Variants in PAK5 observed in about 807,000 individuals in gnomAD.
PAK5 encodes the protein p21 (RAC1) activated kinase 5.
PAK5 carries 16 observed loss-of-function variants against 65.9 expected under a neutral mutation model. The ratio of observed to expected loss-of-function variants is 0.24; its 90% CI spans 0.16 to 0.37. The LOEUF is 0.37. Ranked by LOEUF, PAK5 falls within the 10% of genes least tolerant of loss-of-function variation. The pLI is 1.00. For synonymous variants in PAK5, 371 were observed against 354.9 expected (o/e 1.05, Z -0.51); for missense variants, 785 against 903.9 (o/e 0.87, Z 1.69).
rs1434353523 is a variant in PAK5 at position 9,838,181 on chromosome 20, GCGCGCGCGCACACACA to G, written c.-162+565_-162+580del. Among the ~76,000 whole-genome samples the G allele has an allele frequency of 1.5e-5, 2 of 137,512 alleles. No individual in the cohort carries two copies. The highest frequency in any genetic ancestry group is 4.3e-4 in the East Asian group (2 of 4,610). The allele number at this position is 137,512 out of a possible 152,430, so 90.2% of individuals were successfully genotyped here. A position where few individuals can be genotyped will look rare whatever the true frequency, so the allele number is the denominator to read the frequency against. On this transcript the variant is annotated intron_variant, in intron 1 of 9. Coordinates refer to ENST00000353224, the MANE Select transcript of PAK5 (RefSeq NM_177990.4). This position sits in a 1 kb window ranked among gnomAD's most constrained non-coding sequence, Gnocchi z 4.5. Reference sequence around the variant, plus strand: ...CTGTCTCTCCATTACAACCCACCAGGCGCGCGCGCACACACACACGCGCGCACACACACACACACAC... The same window carrying G: ...CTGTCTCTCCATTACAACCCACCAGGCACGCGCGCACACACACACACACAC...
intron 1 of PAK5, among the ~76,000 whole-genome samples, chr20:9,758,895 G>A (rs1238755297): frequency 6.6e-6 from 1 of 152,004 alleles, no homozygotes; most frequent in Non-Finnish European, 1.5e-5. Flanking sequence ...GAAAAGAAAG[G>A]CAGCAAAGTT....
At chr20:9,565,822 T>G in intron 5 of PAK5, 71 bp downstream of exon 5, 1 of 1,417,254 alleles carries the variant, frequency 7.1e-7, no homozygotes, top group Non-Finnish European at 9.7e-7. Context: ...AAAATGTACA[T>G]GTGTATAACT....
intron 3 of PAK5, among the ~76,000 whole-genome samples, chr20:9,620,938 A>G (rs1442521244): frequency 9.0e-6 from 1 of 110,928 alleles, no homozygotes; most frequent in Admixed American, 1.1e-4. Flanking sequence ...GGTATCCAGC[A>G]GCCAGAGAAA....
chr20:9,655,749 A>T (rs2047259220), intron 2 of PAK5, among the ~76,000 whole-genome samples: 2 of 152,316 alleles, frequency 1.3e-5, no homozygotes, highest in Non-Finnish European at 2.9e-5. Context: ...AAAACAAAGT[A>T]ACACAGATTG....
At chr20:9,710,338 C>A (rs952117614) in intron 2 of PAK5, among the ~76,000 whole-genome samples, 1 of 152,178 alleles carries the variant, frequency 6.6e-6, no homozygotes. Context: ...TTGACATCAA[C>A]ACCCTCTAAG....
At chr20:9,836,115 A>G (rs1290477287) in intron 1 of PAK5, among the ~76,000 whole-genome samples, 1 of 152,164 alleles carries the variant, frequency 6.6e-6, no homozygotes, top group African/African-American at 2.4e-5. Context: ...TAAAGCCTCA[A>G]ATAGGTTAGT....
At chr20:9,548,453 G>A (rs776856856) in intron 7 of PAK5, among the ~76,000 whole-genome samples, 17 of 151,696 alleles carry the variant, frequency 1.1e-4, no homozygotes, top group Non-Finnish European at 2.1e-4. Context: ...ATGTATACAT[G>A]TGCCATGCTG....
Position 9,572,135 on chromosome 20 carries a change from A to G in PAK5, c.991-5751T>C, listed in dbSNP as rs60400384. ...AGAGAAATGAGCTAAAAAAAAGAGTAGTCATCACAGCAAAACGAGTTGATT... is the reference window on the plus strand; with the variant it reads ...AGAGAAATGAGCTAAAAAAAAGAGTGGTCATCACAGCAAAACGAGTTGATT... On this transcript the variant is annotated intron_variant, in intron 4 of 9. Transcript: ENST00000353224. Among the ~76,000 whole-genome samples, 1,224 of 150,858 alleles carry G rather than the reference A, an allele frequency of 8.1e-3. 15 individuals carry two copies. The highest frequency in any genetic ancestry group is 0.027 in the African/African-American group (1,111 of 40,964).
intron 1 of PAK5, among the ~76,000 whole-genome samples, chr20:9,779,286 A>G (rs950869976): frequency 5.3e-5 from 8 of 151,646 alleles, no homozygotes; most frequent in Admixed American, 3.3e-4. Flanking sequence ...AGAACTGGGT[A>G]GGCCTGGGAG....
intron 1 of PAK5, among the ~76,000 whole-genome samples, chr20:9,815,578 T>C (rs2049347190): frequency 1.3e-5 from 2 of 152,134 alleles, no homozygotes; most frequent in South Asian, 2.1e-4. Flanking sequence ...CGTTCAGGTA[T>C]AATTTTGCAA....
chr20:9,655,431 G>A (rs2047254196), intron 2 of PAK5, among the ~76,000 whole-genome samples: 1 of 149,802 alleles, frequency 6.7e-6, no homozygotes. Context: ...GAGTCATTTA[G>A]CCTATTTGGG....
intron 1 of PAK5, among the ~76,000 whole-genome samples, chr20:9,795,200 G>C (rs2049092001): frequency 6.6e-6 from 1 of 152,060 alleles, no homozygotes; most frequent in Non-Finnish European, 1.5e-5. Context: ...TGAGTATCCT[G>C]TTTCCTACTG....
chr20:9,595,909 A>G (rs1175650228), intron 3 of PAK5, among the ~76,000 whole-genome samples: 6 of 151,298 alleles, frequency 4.0e-5, no homozygotes, highest in African/African-American at 1.2e-4. Context: ...CTTGAAAAAA[A>G]TCAAATTTAT....
chr20:9,767,278 T>G (rs567108803), intron 1 of PAK5, among the ~76,000 whole-genome samples: 71 of 152,326 alleles, frequency 4.7e-4, no homozygotes, highest in African/African-American at 1.6e-3. Context: ...AATTAACCTA[T>G]TTAAGTGAAT....
chr20:9,583,100 G>C (rs1336774370), intron 3 of PAK5, among the ~76,000 whole-genome samples: 1 of 152,134 alleles, frequency 6.6e-6, no homozygotes, highest in Admixed American at 6.6e-5. Context: ...CATTGCTACT[G>C]GGTGTCATTG....
chr20:9,640,496 A>G (rs1270572660), intron 3 of PAK5, among the ~76,000 whole-genome samples: 1 of 152,038 alleles, frequency 6.6e-6, no homozygotes, highest in East Asian at 1.9e-4. Flanking sequence ...AGTCTTTGCT[A>G]TTGTGAATAG....
chr20:9,596,856 G>T (rs1318651772), intron 3 of PAK5, among the ~76,000 whole-genome samples: 2 of 152,060 alleles, frequency 1.3e-5, no homozygotes, highest in Non-Finnish European at 2.9e-5. Context: ...AACCCTACTT[G>T]GCACATAAAT....
chr20:9,688,915 T>C (rs1425944248), intron 2 of PAK5, among the ~76,000 whole-genome samples: 1 of 152,182 alleles, frequency 6.6e-6, no homozygotes. Flanking sequence ...CCTCAATTAA[T>C]ATAAAGTACC....
At chr20:9,754,305 T>C (rs968891994) in intron 1 of PAK5, among the ~76,000 whole-genome samples, 3 of 152,070 alleles carry the variant, frequency 2.0e-5, no homozygotes, top group Admixed American at 1.3e-4. Flanking sequence ...CCCCCAGAAT[T>C]TGGAGACTGG....
Sources: allele counts gnomAD v4.1 joint callset (sites outside exome capture counted in the v4.1 genomes callset), GRCh38; gene constraint gnomAD v4.1.1; non-coding constraint Gnocchi (gnomAD v3.1); transcripts MANE v1.5; gene names NCBI Gene and HGNC (gene_info 2026-07-23, HGNC 2026-07-21).